The following SLC7A3 variants were observed in gnomAD, a reference collection of about 807,000 sequenced individuals.
SLC7A3 encodes cationic amino acid transporter 3.
In SLC7A3, 3 loss-of-function variants were observed where a neutral mutation model predicts 33.2. That is an observed-to-expected ratio of 0.09 (90% CI 0.04 to 0.23). SLC7A3 has a LOEUF of 0.23. SLC7A3 is among the 10% of genes least tolerant of loss of function. The pLI is 1.00. For synonymous variants in SLC7A3, 193 were observed against 195.1 expected, an observed-to-expected ratio of 0.99 and a Z score of 0.09; for missense variants, 360 against 488.8, an observed-to-expected ratio of 0.74 and a Z score of 2.48.
rs2091900768 is a variant in SLC7A3 at position 70,927,914 on chromosome X, C to T, written c.927G>A (p.Met309Ile). The T allele has an allele frequency of 1.7e-6, 2 of 1,210,983 alleles. No individual in the cohort carries two copies. Among genetic ancestry groups the T allele is most frequent in the East Asian group, 5.9e-5 (2 of 33,822 alleles). Residue 309 changes from methionine to isoleucine, a missense_variant, in exon 6 of 12, where the codon ATG becomes ATA. Transcript: ENST00000374299. Reference protein sequence around the residue: ...YFAVSSALTLMMPYYQLQPES... With the variant: ...YFAVSSALTLIMPYYQLQPES... The stretch of plus-strand genomic sequence containing the variant: ...CAGGCTGAAGCTGGTAGTAAGGCAT[C>T]ATCAGGGTGAGTGCAGAAGAGACAG...
chrX:70,928,304 C>T, intron 4 of SLC7A3, 47 bp from the exon 5 acceptor site: 1 of 1,141,073 alleles, frequency 8.8e-7, no homozygotes, highest in Non-Finnish European at 1.2e-6. Context: ...GTTCAGCCAA[C>T]TCTGTATCTT....
chrX:70,927,728 G>T, intron 6 of SLC7A3, 70 bp downstream of exon 6: 1 of 1,145,701 alleles, frequency 8.7e-7, no homozygotes, highest in South Asian at 2.0e-5. Flanking sequence ...CTTTTAAGGG[G>T]TATTCTCTGG....
rs377030611 is a variant in SLC7A3 at position 70,928,503 on chromosome X, T to G, written c.660A>C (p.Thr220=). ...CCATGGCCAATTCGTAGTCCTCTTCTGTGAGCTTCCAGTTGTGCACGTCCC... is the reference window on the plus strand; with the variant it reads ...CCATGGCCAATTCGTAGTCCTCTTCGGTGAGCTTCCAGTTGTGCACGTCCC... ...VKGDVHNWKL[T]EEDYELAMAE... Residue 220 remains threonine (T), a synonymous_variant, in exon 4 of 12, where the codon ACA becomes ACC. Transcript: ENST00000374299. The G allele has an allele frequency of 1.1e-4, 128 of 1,203,730 alleles. No individual in the cohort carries two copies. Among genetic ancestry groups the G allele is most frequent in the Non-Finnish European group, 1.4e-4 (125 of 892,132 alleles).
At position 70,927,878 on chromosome X, in the gene SLC7A3, C is replaced by T. The variant is rs375940756; in HGVS notation, c.963G>A (p.Leu321=). Residue 321 remains leucine (L), a synonymous_variant, in exon 6 of 12, where the codon TTG becomes TTA. Coordinates refer to ENST00000374299, the MANE Select transcript of SLC7A3 (RefSeq NM_032803.6). ...PYYQLQPESP[L]PEAFLYIGWA... ...ATCCAATGTAGAGAAATGCCTCAGG[C>T]AAAGGGCTCTCAGGCTGAAGCTGGT... 5.6e-5 allele frequency: 68 copies of T among 1,204,203 alleles called. No homozygotes were observed. Among genetic ancestry groups the T allele is most frequent in the Non-Finnish European group, 7.6e-5 (68 of 892,137 alleles).
Position 70,928,125 on chromosome X carries a change from G to A in SLC7A3, c.820+20C>T, listed in dbSNP as rs1288232620. ...ACACACTGTGCCCAAGCCCCAAACA[G>A]AATGGAATGACTGTGTTACCAGTGG... On this transcript the variant is annotated intron_variant, in intron 5 of 11. Transcript: ENST00000374299. 8.3e-7 allele frequency: 1 copy of A among 1,200,878 alleles called. No individual in the cohort carries two copies. The highest frequency in any genetic ancestry group is 1.1e-6 in the Non-Finnish European group (1 of 885,955).
Position 70,929,249 on chromosome X carries a change from C to T in SLC7A3, c.371-247G>A, listed in dbSNP as rs1055337705. Reference sequence around the variant, plus strand: ...GGGACTACAGGTGTAAGCCACCCTGCGCGGCTAACTTTTGTATTTTTAGTA... The same window carrying T: ...GGGACTACAGGTGTAAGCCACCCTGTGCGGCTAACTTTTGTATTTTTAGTA... On this transcript the variant is annotated intron_variant, in intron 2 of 11. Transcript: ENST00000374299. Among the ~76,000 whole-genome samples, 4 of 111,502 alleles carry T rather than the reference C, an allele frequency of 3.6e-5. No homozygotes were observed. In the Admixed American group the frequency reaches 3.8e-4, roughly 11 times the overall value.
chrX:70,929,833 G>T lies in SLC7A3; in HGVS notation c.165C>A (p.Gly55=), dbSNP rs776093743. 3 of 1,210,651 alleles carry T rather than the reference G, an allele frequency of 2.5e-6. No individual in the cohort carries two copies. The highest frequency in any genetic ancestry group is 2.2e-5 in the Admixed American group (1 of 45,879). ...GCCCTGCTTTATCTTTGGCCACCTC[G>T]CCAGCTAGGACATACACGCCTGCAC... ...TLGAGVYVLA[G]EVAKDKAGPS... Residue 55 remains glycine (G), a synonymous_variant, in exon 2 of 12, where the codon GGC becomes GGA. Transcript: ENST00000374299.
Position 70,929,490 on chromosome X carries a change from C to A in SLC7A3, c.370+138G>T, listed in dbSNP as rs1037666587. 52 of 769,146 alleles carry A rather than the reference C, an allele frequency of 6.8e-5. 1 individual carries two copies. The East Asian group carries it at 1.7e-3, about 25-fold the overall frequency. 63.4% of individuals were successfully genotyped at this position (769,146 alleles called of 1,213,427 possible). A position where few individuals can be genotyped will look rare whatever the true frequency, so the allele number is the denominator to read the frequency against. ...TTTCTCCACACCTTCAACACCCCCC[C>A]CCAGACCCCCAGCAAACCCGCACAT... On this transcript the variant is annotated intron_variant, in intron 2 of 11. Transcript: ENST00000374299.
chrX:70,929,595 G>A (rs373619211), intron 2 of SLC7A3, 33 bp downstream of exon 2: 18 of 1,180,379 alleles, frequency 1.5e-5, no homozygotes, highest in Non-Finnish European at 1.8e-5. Context: ...TTTGCTGGCT[G>A]TGCAGTTCCC....
rs1478826481 is a variant in SLC7A3 at position 70,928,498 on chromosome X, T to A, written c.665A>T (p.Glu222Val). 1 of 1,205,503 alleles carries A rather than the reference T, an allele frequency of 8.3e-7. No individual in the cohort carries two copies. The highest frequency in any genetic ancestry group is 1.1e-6 in the Non-Finnish European group (1 of 892,307). Residue 222 changes from glutamate (E) to valine (V), a missense_variant, in exon 4 of 12, where the codon GAG becomes GTG. Coordinates refer to ENST00000374299, the MANE Select transcript of SLC7A3 (RefSeq NM_032803.6). The part of the protein sequence containing the change: ...GDVHNWKLTE[E>V]DYELAMAELN... ...TTCAGCCATGGCCAATTCGTAGTCC[T>A]CTTCTGTGAGCTTCCAGTTGTGCAC...
chrX:70,926,042 A>G (rs770435734), intron 11 of SLC7A3, 28 bp downstream of exon 11: 1 of 1,206,740 alleles, frequency 8.3e-7, no homozygotes, highest in Non-Finnish European at 1.1e-6. Flanking sequence ...ACACCAAAGA[A>G]GCCTACTCTT....
chrX:70,930,148 G>C, intron 1 of SLC7A3, 126 bp from the exon 2 acceptor site: 9 of 645,678 alleles, frequency 1.4e-5, no homozygotes, highest in Non-Finnish European at 2.1e-5. Context: ...ATATGGAAGG[G>C]ACAAAGGCAA....
intron 1 of SLC7A3, 70 bp downstream of exon 1, chrX:70,930,907 A>AT (rs1176402580): frequency 1.8e-5 from 2 of 111,725 alleles, no homozygotes; most frequent in African/African-American, 6.5e-5. Flanking sequence ...CATGGTTGCC[A>AT]GAGAATCCTA....
At chrX:70,926,791 G>A (rs2091897928) in intron 9 of SLC7A3, 84 bp downstream of exon 9, 1 of 1,162,256 alleles carries the variant, frequency 8.6e-7, no homozygotes, top group African/African-American at 1.8e-5. Flanking sequence ...TCTCTCTCTA[G>A]TTCTTCCTCA....
chrX:70,928,494 G>A lies in SLC7A3; in HGVS notation c.669C>T (p.Asp223=), dbSNP rs1197619828. Reference sequence around the variant, plus strand: ...TGAGTTCAGCCATGGCCAATTCGTAGTCCTCTTCTGTGAGCTTCCAGTTGT... The same window carrying A: ...TGAGTTCAGCCATGGCCAATTCGTAATCCTCTTCTGTGAGCTTCCAGTTGT... ...DVHNWKLTEE[D]YELAMAELND... Residue 223 remains aspartate (D), a synonymous_variant, in exon 4 of 12, where the codon GAC becomes GAT. Transcript: ENST00000374299. 8.3e-7 allele frequency: 1 copy of A among 1,204,596 alleles called. No homozygotes were observed. Among genetic ancestry groups the A allele is most frequent in the South Asian group, 1.8e-5 (1 of 55,551 alleles).
chrX:70,930,849 G>C (rs959284570), intron 1 of SLC7A3, 128 bp downstream of exon 1: 2 of 111,886 alleles, frequency 1.8e-5, no homozygotes, highest in Admixed American at 1.9e-4. Flanking sequence ...TCCCGGGGCG[G>C]GGGTCTCGCC....
rs201674710 is a variant in SLC7A3, at chrX:70,928,518, G to A, written c.645C>T (p.His215=). The part of the protein sequence containing the change: ...MISGFVKGDV[H]NWKLTEEDYE... Reference sequence around the variant, plus strand: ...AGTCCTCTTCTGTGAGCTTCCAGTTGTGCACGTCCCCCTTAACGAAGCCAG... The same window carrying A: ...AGTCCTCTTCTGTGAGCTTCCAGTTATGCACGTCCCCCTTAACGAAGCCAG... The change falls in exon 4 of 12, where the codon CAC becomes CAT. Residue 215 remains histidine (H), a synonymous_variant. Coordinates refer to ENST00000374299, the MANE Select transcript of SLC7A3 (RefSeq NM_032803.6). 105 of 1,203,587 alleles carry A rather than the reference G, an allele frequency of 8.7e-5. No individual in the cohort carries two copies. Among genetic ancestry groups the A allele is most frequent in the South Asian group, 6.1e-4 (34 of 55,456 alleles).
Position 70,929,641 on chromosome X carries a change from G to A in SLC7A3, c.357C>T (p.Leu119=), listed in dbSNP as rs137991585. Residue 119 remains leucine (L), a synonymous_variant, in exon 2 of 12, where the codon CTC becomes CTT. Coordinates refer to ENST00000374299, the MANE Select transcript of SLC7A3 (RefSeq NM_032803.6). ...WAFTTGWNLI[L]SYVIGTASVA... ...ACCATATCTCACCAATGACATAGGA[G>A]AGGATGAGGTTCCAGCCAGTGGTGA... 7.5e-6 allele frequency: 9 copies of A among 1,206,826 alleles called. No individual in the cohort carries two copies. Among genetic ancestry groups the A allele is most frequent in the South Asian group, 1.8e-5 (1 of 55,998 alleles).
intron 9 of SLC7A3, 45 bp from the exon 10 acceptor site, chrX:70,926,738 C>A: frequency 1.7e-6 from 2 of 1,165,486 alleles, no homozygotes; most frequent in Non-Finnish European, 2.3e-6. Flanking sequence ...CTCTTAAGAC[C>A]AACATGCTAA....
Sources: gnomAD v4.1 joint callset for allele counts (sites outside exome capture counted in the v4.1 genomes callset) on GRCh38, gnomAD v4.1.1 for gene constraint, MANE v1.5 for transcripts, NCBI Gene and HGNC (gene_info 2026-07-23, HGNC 2026-07-21) for gene names.